Variants in GALK2 observed in about 807,000 individuals in gnomAD.
The protein encoded by GALK2 is galactokinase 2.
A neutral mutation model predicts 52.4 loss-of-function variants in GALK2; 36 were observed. The observed-to-expected ratio is 0.69, with a 90% CI of 0.53 to 0.91. The LOEUF (loss-of-function observed/expected upper bound fraction) is 0.91, where lower values mean the gene tolerates loss of function less well. GALK2 is among the 40% of genes least tolerant of loss of function. GALK2 has a pLI of 0.00. For synonymous variants in GALK2, 176 were observed against 199.1 expected (o/e 0.88, Z 0.98); for missense variants, 579 against 559.1 (o/e 1.04, Z -0.36).
intron 5 of GALK2, among the ~76,000 whole-genome samples, chr15:49,259,735 C>T (rs1180452853): frequency 7.1e-6 from 1 of 141,820 alleles, no homozygotes; most frequent in Non-Finnish European, 1.5e-5. Flanking sequence ...CCCCCTCCCC[C>T]AACCCCACCA....
chr15:49,155,884 C>T (rs2084431857), exon 1 of GALK2: 1 of 1,225,810 alleles, frequency 8.2e-7, no homozygotes, highest in African/African-American at 1.5e-5. Flanking sequence ...AGTTTCCAGC[C>T]TCCTGGGTAA....
intron 1 of GALK2, chr15:49,195,047 G>T (rs947742838): frequency 2.0e-5 from 9 of 449,346 alleles, no homozygotes; most frequent in Non-Finnish European, 3.6e-5. Flanking sequence ...CCAAAACAGG[G>T]ATATCTTTTC....
intron 5 of GALK2, among the ~76,000 whole-genome samples, chr15:49,245,889 CAATT>C (rs1595816860): frequency 6.6e-6 from 1 of 152,012 alleles, no homozygotes; most frequent in Non-Finnish European, 1.5e-5. Flanking sequence ...GAACATTAAA[CAATT>C]AATATGGTTG....
At chr15:49,280,890 G>A (rs1419108265) in intron 5 of GALK2, among the ~76,000 whole-genome samples, 3 of 152,006 alleles carry the variant, frequency 2.0e-5, no homozygotes, top group African/African-American at 7.2e-5. Flanking sequence ...AGGCTGGAGT[G>A]CAGTGGTGCA....
chr15:49,248,689 G>A (rs1218139090), intron 5 of GALK2, among the ~76,000 whole-genome samples: 5 of 152,196 alleles, frequency 3.3e-5, no homozygotes, highest in African/African-American at 9.7e-5. Context: ...ATTGGAGACT[G>A]AATCATTTCT....
chr15:49,179,336 C>T (rs996002671), intron 1 of GALK2, among the ~76,000 whole-genome samples: 9 of 152,120 alleles, frequency 5.9e-5, no homozygotes, highest in African/African-American at 2.2e-4. Context: ...TACAAATTAA[C>T]ATAAAAATTC....
intron 1 of GALK2, among the ~76,000 whole-genome samples, chr15:49,185,193 A>G (rs908299755): frequency 1.3e-5 from 2 of 152,038 alleles, no homozygotes; most frequent in Non-Finnish European, 2.9e-5. Flanking sequence ...TGTGTGCTCA[A>G]TGTTTAGCTC....
chr15:49,211,804 A>G (rs1421700418), intron 2 of GALK2, among the ~76,000 whole-genome samples: 2 of 152,202 alleles, frequency 1.3e-5, no homozygotes, highest in Non-Finnish European at 1.5e-5. Flanking sequence ...AACCACACTC[A>G]GGAGATTGTG....
chr15:49,197,491 T>A (rs1595614801), intron 1 of GALK2, among the ~76,000 whole-genome samples: 1 of 152,316 alleles, frequency 6.6e-6, no homozygotes, highest in African/African-American at 2.4e-5. Flanking sequence ...AGATACATAA[T>A]GAGATATCTT....
chr15:49,227,975 G>A (rs1188409239), intron 3 of GALK2, among the ~76,000 whole-genome samples: 1 of 152,058 alleles, frequency 6.6e-6, no homozygotes. Flanking sequence ...CATTTATGAA[G>A]GATGATTTTG....
At chr15:49,354,589 G>C (rs1297371764) in intron 3 of GALK2, among the ~76,000 whole-genome samples, 1 of 152,200 alleles carries the variant, frequency 6.6e-6, no homozygotes. Context: ...CTGGCTGGAA[G>C]GGTCCTACGC....
chr15:49,281,247 C>T (rs2032650995), intron 5 of GALK2, among the ~76,000 whole-genome samples: 1 of 152,110 alleles, frequency 6.6e-6, no homozygotes, highest in Admixed American at 6.5e-5. Flanking sequence ...GAAGTAATAC[C>T]AAGTTGCATA....
intron 5 of GALK2, among the ~76,000 whole-genome samples, chr15:49,257,188 G>A (rs570647145): frequency 1.3e-5 from 2 of 152,080 alleles, no homozygotes; most frequent in Non-Finnish European, 2.9e-5. Context: ...GCTGGGTTCC[G>A]CCTAGTTGCT....
intron 8 of GALK2, among the ~76,000 whole-genome samples, chr15:49,297,188 T>G (rs1291578635): frequency 4.6e-5 from 7 of 152,190 alleles, no homozygotes; most frequent in Admixed American, 1.3e-4. Context: ...GATTAGATAT[T>G]GAGCATTTTT....
At chr15:49,364,842 G>T (rs2044852191) in intron 3 of GALK2, among the ~76,000 whole-genome samples, 1 of 151,786 alleles carries the variant, frequency 6.6e-6, no homozygotes, top group Non-Finnish European at 1.5e-5. Flanking sequence ...GCATAGGGAT[G>T]GGTCAAGGCA....
intron 8 of GALK2, among the ~76,000 whole-genome samples, chr15:49,305,929 G>C (rs1204633417): frequency 2.0e-5 from 3 of 152,184 alleles, no homozygotes; most frequent in African/African-American, 7.2e-5. Context: ...GCAGCATCTT[G>C]ATTTATTCTT....
intron 1 of GALK2, among the ~76,000 whole-genome samples, chr15:49,171,032 T>G (rs1039786346): frequency 2.6e-5 from 4 of 152,128 alleles, no homozygotes; most frequent in Middle Eastern, 3.4e-3. Context: ...GCTTTTGCTG[T>G]TTTTCTTTTC....
In GALK2 at chr15:49,235,926, A is replaced by G; in HGVS notation, c.342A>G (p.Gly114=). ...TGTGGCACAACTATTTCTTATGTGG[A>G]CTTAAAGGAATTCAGGTAAATTGGT... ...KPLWHNYFLC[G]LKGIQEHFGL... Residue 114 remains glycine (G), a synonymous_variant, in exon 4 of 10, where the codon GGA becomes GGG. Transcript: ENST00000560031. The G allele has an allele frequency of 1.9e-6, 3 of 1,609,990 alleles. No individual in the cohort carries two copies. The highest frequency in any genetic ancestry group is 2.6e-6 in the Non-Finnish European group (3 of 1,176,258).
chr15:49,189,067 T>C (rs573638062), intron 1 of GALK2, among the ~76,000 whole-genome samples: 7 of 152,332 alleles, frequency 4.6e-5, no homozygotes, highest in African/African-American at 1.7e-4. Flanking sequence ...TTGGCTACCA[T>C]GTATCCCCTG....
Sources: allele counts gnomAD v4.1 joint callset (sites outside exome capture counted in the v4.1 genomes callset), GRCh38; gene constraint gnomAD v4.1.1; transcripts MANE v1.5; gene names NCBI Gene and HGNC (gene_info 2026-07-23, HGNC 2026-07-21).